RASGRF1: variants seen among roughly 807,000 people sequenced by gnomAD.
RASGRF1 encodes Ras protein specific guanine nucleotide releasing factor 1.
In RASGRF1, 40 loss-of-function variants were observed where a neutral mutation model predicts 138.7. The ratio of observed to expected loss-of-function variants is 0.29; its 90% CI spans 0.22 to 0.38. The LOEUF (loss-of-function observed/expected upper bound fraction) is 0.38, where lower values mean the gene tolerates loss of function less well. RASGRF1 is among the 10% of genes least tolerant of loss of function. The probability of loss-of-function intolerance (pLI) is 1.00; values close to 1 mark genes in which losing one functional copy is unlikely to be tolerated. For missense variants in RASGRF1, 1,108 were observed against 1,650.4 expected (o/e 0.67, Z 5.69); for synonymous variants, 614 against 663.2 (o/e 0.93, Z 1.14).
At chr15:79,068,730 G>A (rs927952179) in intron 1 of RASGRF1, among the ~76,000 whole-genome samples, 2 of 151,976 alleles carry the variant, frequency 1.3e-5, no homozygotes, top group African/African-American at 4.8e-5. Flanking sequence ...TTCTGGATAG[G>A]CCTTGGGTTG....
Position 78,968,924 on chromosome 15 carries a change from T to C in RASGRF1, c.3681+2942A>G, listed in dbSNP as rs541399952. On this transcript the variant is annotated intron_variant, in intron 26 of 26. Transcript: ENST00000558480. ...TTGGCCGGACTTTAATAAAAACCTGTTAGGCCGGTTTAGCAAGAATTCCCC... is the reference window on the plus strand; with the variant it reads ...TTGGCCGGACTTTAATAAAAACCTGCTAGGCCGGTTTAGCAAGAATTCCCC... Among the ~76,000 whole-genome samples, 69 of 152,318 alleles carry C rather than the reference T, an allele frequency of 4.5e-4. 2 individuals carry two copies. In the South Asian group the frequency reaches 0.014, roughly 32 times the overall value.
chr15:78,966,225 ATTTTTTTT>A (rs3063545), intron 26 of RASGRF1, among the ~76,000 whole-genome samples: 21 of 110,724 alleles, frequency 1.9e-4, no homozygotes, highest in Non-Finnish European at 3.0e-4. Flanking sequence ...GAGGACTTAA[ATTTTTTTT>A]TTTTTTTTTT....
At chr15:79,060,356 C>T (rs935502443) in intron 2 of RASGRF1, among the ~76,000 whole-genome samples, 21 of 152,232 alleles carry the variant, frequency 1.4e-4, no homozygotes, top group African/African-American at 5.1e-4. Flanking sequence ...CATCATTCCA[C>T]CATTGTCCCA....
rs142558192 is a variant in RASGRF1, at chr15:79,004,001, G to A, written c.2250C>T (p.Gly750=). Residue 750 remains glycine, a synonymous_variant, in exon 15 of 27, where the codon GGC becomes GGT. Transcript: ENST00000558480. ...GGGCGGCCAGGTCCAGGGCCTTGCC[G>A]CCAGTGATGATGGGGATGTTCAGGG... The part of the protein sequence containing the change: ...KLSLNIPIIT[G]GKALDLAALS... 826 of 1,614,146 alleles carry A rather than the reference G, an allele frequency of 5.1e-4. 2 individuals carry two copies. The African/African-American group carries it at 8.4e-3, about 16-fold the overall frequency.
At chr15:78,974,191 A>T (rs754026273) in intron 24 of RASGRF1, among the ~76,000 whole-genome samples, 2 of 152,134 alleles carry the variant, frequency 1.3e-5, no homozygotes, top group Non-Finnish European at 2.9e-5. Flanking sequence ...GTAAGGGTTG[A>T]TGGAGCCTGT....
At chr15:79,008,516 A>C (rs2056730805) in intron 13 of RASGRF1, among the ~76,000 whole-genome samples, 1 of 152,206 alleles carries the variant, frequency 6.6e-6, no homozygotes, top group Admixed American at 6.5e-5. Flanking sequence ...CATCTATGGG[A>C]CCTTGAGAAG....
intron 20 of RASGRF1, among the ~76,000 whole-genome samples, chr15:78,993,262 G>GTAATT (rs1219903108): frequency 8.0e-6 from 1 of 124,984 alleles, no homozygotes; most frequent in African/African-American, 3.0e-5. Flanking sequence ...TGTGTGTGGT[G>GTAATT]TGGTGTGTGT....
chr15:79,066,773 G>A (rs2050788803), intron 1 of RASGRF1, among the ~76,000 whole-genome samples: 1 of 152,168 alleles, frequency 6.6e-6, no homozygotes, highest in South Asian at 2.1e-4. Context: ...GACCCTCCAG[G>A]CCTGAACCCA....
chr15:79,023,520 T>C (rs1215742200), intron 10 of RASGRF1, among the ~76,000 whole-genome samples: 1 of 152,144 alleles, frequency 6.6e-6, no homozygotes, highest in African/African-American at 2.4e-5. Context: ...CCACAGGCTT[T>C]ACAGCAGAGG....
intron 10 of RASGRF1, 38 bp downstream of exon 10, chr15:79,025,276 G>A (rs2057030943): frequency 6.5e-7 from 1 of 1,549,646 alleles, no homozygotes; most frequent in African/African-American, 1.4e-5. Flanking sequence ...CATGACCCTA[G>A]CTGGGCAGCC....
intron 7 of RASGRF1, among the ~76,000 whole-genome samples, chr15:79,031,737 GGA>G (rs752186408): frequency 2.8e-4 from 42 of 151,362 alleles, no homozygotes; most frequent in Non-Finnish European, 4.4e-4. Flanking sequence ...GCGGGCCAGG[GGA>G]GAGAGAGCAC....
intron 5 of RASGRF1, among the ~76,000 whole-genome samples, chr15:79,045,136 G>A (rs1038947621): frequency 6.6e-6 from 1 of 152,134 alleles, no homozygotes; most frequent in South Asian, 2.1e-4. Flanking sequence ...AACACAGACA[G>A]CCACCTCTGT....
At position 79,050,925 on chromosome 15, in the gene RASGRF1, T is replaced by C. The variant is rs899067065; in HGVS notation, c.532-1337A>G. 1.4e-4 allele frequency among the ~76,000 whole-genome samples: 21 copies of C among 152,222 alleles called. No individual in the cohort carries two copies. The highest frequency in any genetic ancestry group is 1.2e-3 in the Admixed American group (18 of 15,284). ...GCCGTGAGCTCTAAGGGAGAAGGGA[T>C]TGCAGCTGTTTCATTTATTGTGCTC... On this transcript the variant is annotated intron_variant, in intron 3 of 26. Transcript: ENST00000558480. This position sits in a 1 kb window ranked among gnomAD's most constrained non-coding sequence, Gnocchi z 4.1.
In RASGRF1 at chr15:78,991,742, G is replaced by A. The variant is rs1444395571; in HGVS notation, c.3080C>T (p.Ala1027Val). The A allele has an allele frequency of 6.2e-7, 1 of 1,614,012 alleles. No individual in the cohort carries two copies. Among genetic ancestry groups the A allele is most frequent in the African/African-American group, 1.3e-5 (1 of 74,924 alleles). ...PFENHSALEI[A>V]EQLTLLDHLV... ...GTGATCTAGCAGGGTCAGCTGCTCC[G>A]CGATCTCCAGGGCTGAGTGGTTTTC... Residue 1027 changes from alanine to valine, a missense_variant, in exon 21 of 27, where the codon GCG (alanine) becomes GTG (valine). Physicochemically the swap from Ala to Val is moderately conservative, Grantham distance 64 (BLOSUM62 0). Around this residue, in one of 3 missense-constraint regions of RASGRF1, gnomAD observed 686 missense variants for 976.7 expected, o/e 0.70. Transcript: ENST00000558480.
intron 1 of RASGRF1, among the ~76,000 whole-genome samples, chr15:79,072,496 T>C (rs1025790784): frequency 1.3e-4 from 19 of 151,228 alleles, no homozygotes; most frequent in Admixed American, 5.9e-4. Flanking sequence ...AGGATGGTCT[T>C]GATCTCCTGA....
chr15:79,047,055 G>A, intron 4 of RASGRF1, 56 bp from the exon 5 acceptor site: 2 of 1,577,644 alleles, frequency 1.3e-6, no homozygotes, highest in South Asian at 1.1e-5. Context: ...GACCACTCCT[G>A]TCCTTCCAGG....
chr15:79,000,821 G>A (rs1346287350), intron 16 of RASGRF1, among the ~76,000 whole-genome samples: 1 of 152,202 alleles, frequency 6.6e-6, no homozygotes, highest in Non-Finnish European at 1.5e-5. Flanking sequence ...CTGTGGCAGG[G>A]CTGCAGTATG....
At chr15:79,036,371 T>C (rs1223958876) in intron 5 of RASGRF1, among the ~76,000 whole-genome samples, 1 of 152,182 alleles carries the variant, frequency 6.6e-6, no homozygotes, top group Non-Finnish European at 1.5e-5. Context: ...GTCCCTGGAA[T>C]GTTCTCCTGT....
intron 22 of RASGRF1, chr15:78,989,976 A>G (rs1555452428): frequency 1.8e-5 from 11 of 595,982 alleles, no homozygotes; most frequent in Non-Finnish European, 2.7e-5. Context: ...TAATCCTCCT[A>G]TGACTGTTCC....
Sources: allele counts gnomAD v4.1 joint callset (sites outside exome capture counted in the v4.1 genomes callset), GRCh38; gene constraint gnomAD v4.1.1; regional missense constraint gnomAD v4.1.1; non-coding constraint Gnocchi (gnomAD v3.1); transcripts MANE v1.5; gene names NCBI Gene and HGNC (gene_info 2026-07-23, HGNC 2026-07-21).